Variants in NRXN1 observed in about 807,000 individuals in gnomAD.
NRXN1 encodes neurexin 1.
Under a neutral mutation model 150.9 loss-of-function variants are expected in NRXN1, and 39 were observed. The observed-to-expected ratio is 0.26, with a 90% CI of 0.20 to 0.34. NRXN1 has a LOEUF of 0.34. Among genes scored for constraint, NRXN1 ranks in the 10% least tolerant of loss-of-function variants. NRXN1 has a pLI of 1.00. For synonymous variants in NRXN1, 924 were observed against 757.0 expected (o/e 1.22, Z -3.62); for missense variants, 1,815 against 1,949.9 (o/e 0.93, Z 1.30).
rs183697971 is a variant in NRXN1, at chr2:50,735,472, G to A, written c.833-111857C>T. On this transcript the variant is annotated intron_variant, in intron 5 of 22. Transcript: ENST00000401669. ...CAGTCCTAGAGACTCACTTGTAGAA[G>A]CCACTGGGAATTTTGAAAATGTCAG... is the stretch of plus-strand genomic sequence containing the variant. 2.0e-4 allele frequency among the ~76,000 whole-genome samples: 30 copies of A among 152,236 alleles called. No homozygotes were observed. In the East Asian group the frequency reaches 5.6e-3, roughly 28 times the overall value.
intron 5 of NRXN1, among the ~76,000 whole-genome samples, chr2:50,760,486 G>GTCTTCATACAGT (rs1215558491): frequency 2.3e-4 from 35 of 151,882 alleles, no homozygotes; most frequent in African/African-American, 8.2e-4. Context: ...CCTGCAATGA[G>GTCTTCATACAGT]GGGAACCATC....
chr2:50,755,192 T>C (rs1701030068), intron 5 of NRXN1, among the ~76,000 whole-genome samples: 2 of 151,848 alleles, frequency 1.3e-5, no homozygotes, highest in Non-Finnish European at 2.9e-5. Context: ...TATAGCCTAT[T>C]CATTATAGTA....
At chr2:49,963,351 A>T (rs778608869) in intron 21 of NRXN1, among the ~76,000 whole-genome samples, 24 of 152,350 alleles carry the variant, frequency 1.6e-4, no homozygotes, top group Non-Finnish European at 2.8e-4. Flanking sequence ...TGCCACTAGC[A>T]GAGTTCTGGT....
intron 21 of NRXN1, among the ~76,000 whole-genome samples, chr2:49,949,310 T>C (rs1673510175): frequency 6.6e-6 from 1 of 151,944 alleles, no homozygotes; most frequent in African/African-American, 2.4e-5. Flanking sequence ...TTTTTCAACA[T>C]CATTAATGGT....
intron 17 of NRXN1, among the ~76,000 whole-genome samples, chr2:50,387,996 C>T (rs1224871156): frequency 6.6e-6 from 1 of 152,128 alleles, no homozygotes; most frequent in Non-Finnish European, 1.5e-5. Context: ...AATTTCTCAA[C>T]TGATTTTGAA....
intron 2 of NRXN1, among the ~76,000 whole-genome samples, chr2:50,941,697 G>A (rs895884773): frequency 5.9e-5 from 9 of 152,192 alleles, no homozygotes; most frequent in East Asian, 5.8e-4. Flanking sequence ...GGCTTTTTCC[G>A]AAAGTGTACA....
intron 8 of NRXN1, chr2:50,615,558 C>T (rs758883646): frequency 2.0e-5 from 3 of 152,060 alleles, no homozygotes; most frequent in Non-Finnish European, 2.9e-5. Context: ...GCGCCATGAC[C>T]CTTCCTGATA....
intron 5 of NRXN1, among the ~76,000 whole-genome samples, chr2:50,681,056 G>A (rs569100018): frequency 6.6e-6 from 1 of 152,214 alleles, no homozygotes; most frequent in Admixed American, 6.5e-5. Context: ...TAACCTCAAG[G>A]AACTTATTCA....
chr2:50,134,233 G>T lies in NRXN1; in HGVS notation c.3547-42739C>A, dbSNP rs573681484. ...CATTTTTTGAAAAGCAACAAAAAGG[G>T]TGTTGAGGTATAGCTGCCAAAACCA... On this transcript the variant is annotated intron_variant, in intron 18 of 22. Transcript: ENST00000401669. Among the ~76,000 whole-genome samples, 8 of 148,960 alleles carry T rather than the reference G, an allele frequency of 5.4e-5. 1 individual carries two copies. The South Asian group carries it at 1.7e-3, about 32-fold the overall frequency.
intron 17 of NRXN1, among the ~76,000 whole-genome samples, chr2:50,307,203 C>T (rs940247422): frequency 1.3e-5 from 2 of 152,076 alleles, no homozygotes; most frequent in Non-Finnish European, 2.9e-5. Flanking sequence ...AGGCTGGTCT[C>T]GAACTCCTGA....
At chr2:50,720,351 A>T (rs1399390737) in intron 5 of NRXN1, among the ~76,000 whole-genome samples, 2 of 152,146 alleles carry the variant, frequency 1.3e-5, no homozygotes, top group Admixed American at 1.3e-4. Context: ...TAAGCTACAA[A>T]TCAGCCACAT....
chr2:50,899,868 C>A (rs1198468326), intron 5 of NRXN1, among the ~76,000 whole-genome samples: 2 of 152,108 alleles, frequency 1.3e-5, no homozygotes, highest in Non-Finnish European at 2.9e-5. Flanking sequence ...TCTTCCACAT[C>A]AAACTAATTA....
chr2:49,994,727 G>A (rs554407737), intron 21 of NRXN1, among the ~76,000 whole-genome samples: 1 of 152,202 alleles, frequency 6.6e-6, no homozygotes, highest in Non-Finnish European at 1.5e-5. Context: ...CCTTTGGCCA[G>A]TCATGCTCAT....
At chr2:50,188,546 T>G (rs1468817623) in intron 18 of NRXN1, among the ~76,000 whole-genome samples, 1 of 152,102 alleles carries the variant, frequency 6.6e-6, no homozygotes, top group Non-Finnish European at 1.5e-5. Flanking sequence ...ACTAAACAGC[T>G]TCTGCATAGC....
chr2:50,472,228 A>G (rs1312954305), intron 16 of NRXN1, 70 bp downstream of exon 16: 7 of 1,315,256 alleles, frequency 5.3e-6, no homozygotes, highest in Non-Finnish European at 7.0e-6. Flanking sequence ...TTTGCTGGAC[A>G]GTGAGATTCA....
At chr2:50,333,380 A>C (rs541219741) in intron 17 of NRXN1, among the ~76,000 whole-genome samples, 1 of 152,334 alleles carries the variant, frequency 6.6e-6, no homozygotes, top group South Asian at 2.1e-4. Context: ...ATATGAAATA[A>C]AAAGAGAAGC....
At chr2:50,608,651 A>G (rs957609000) in intron 8 of NRXN1, among the ~76,000 whole-genome samples, 2 of 152,188 alleles carry the variant, frequency 1.3e-5, no homozygotes, top group Admixed American at 6.6e-5. Flanking sequence ...TTAATGAAAG[A>G]TTGGTTTCAA....
At chr2:50,838,774 G>C (rs192340170) in intron 5 of NRXN1, among the ~76,000 whole-genome samples, 3 of 152,178 alleles carry the variant, frequency 2.0e-5, no homozygotes, top group African/African-American at 7.2e-5. Flanking sequence ...TCATCCTAGA[G>C]TCATCAGAGG....
In NRXN1 at chr2:51,028,599, T is replaced by C. The variant is rs1450335222; in HGVS notation, c.-326A>G. On this transcript the variant is annotated 5_prime_UTR_variant, in exon 2 of 23. Transcript: ENST00000401669. ...TCAACAAAAGATCAAGGGAAAGCAC[T>C]GACCCATTTGAGTCTGATTAACTAA... 3.8e-5 allele frequency: 11 copies of C among 288,156 alleles called. No homozygotes were observed. Among genetic ancestry groups the C allele is most frequent in the African/African-American group, 1.7e-4 (8 of 46,182 alleles). The allele number at this position is 288,156 out of a possible 1,614,324, so 17.8% of individuals were successfully genotyped here. A position where few individuals can be genotyped will look rare whatever the true frequency, so the allele number is the denominator to read the frequency against.
Sources: gnomAD v4.1 joint callset for allele counts (sites outside exome capture counted in the v4.1 genomes callset) on GRCh38, gnomAD v4.1.1 for gene constraint, MANE v1.5 for transcripts, NCBI Gene and HGNC (gene_info 2026-07-23, HGNC 2026-07-21) for gene names.